The following POU2F1 variants were observed in gnomAD, a reference collection of about 807,000 sequenced individuals.
The protein encoded by POU2F1 is POU domain, class 2, transcription factor 1.
POU2F1 carries 16 observed loss-of-function variants against 84.9 expected under a neutral mutation model. That is an observed-to-expected ratio of 0.19 (90% confidence interval 0.13 to 0.29). The LOEUF (loss-of-function observed/expected upper bound fraction) is 0.29, where lower values mean the gene tolerates loss of function less well. POU2F1 is among the 10% of genes least tolerant of loss of function. The pLI, the probability that POU2F1 is intolerant of heterozygous loss-of-function variation, is 1.00. For synonymous variants in POU2F1, 368 were observed against 368.3 expected (o/e 1.00, Z 0.01); for missense variants, 738 against 942.6 (o/e 0.78, Z 2.84).
intron 1 of POU2F1, among the ~76,000 whole-genome samples, chr1:167,237,766 A>AAATTTTTTTTTTT (rs1557836583): frequency 1.7e-5 from 1 of 58,034 alleles, no homozygotes; most frequent in Non-Finnish European, 3.3e-5. Flanking sequence ...ATATATATAT[A>AAATTTTTTTTTTT]TATATATTTT....
chr1:167,391,905 T>C (rs866150919), intron 9 of POU2F1, among the ~76,000 whole-genome samples: 10 of 152,112 alleles, frequency 6.6e-5, no homozygotes, highest in Admixed American at 6.5e-5. Context: ...AAGAAATCAA[T>C]TGTGTTGGGG....
intron 8 of POU2F1, among the ~76,000 whole-genome samples, chr1:167,388,918 T>G (rs1027420686): frequency 6.6e-6 from 1 of 152,264 alleles, no homozygotes; most frequent in Non-Finnish European, 1.5e-5. Context: ...ATTTTTAATT[T>G]TTATTAATTT....
intron 1 of POU2F1, among the ~76,000 whole-genome samples, chr1:167,325,555 C>G (rs1656641110): frequency 6.6e-6 from 1 of 152,036 alleles, no homozygotes; most frequent in Non-Finnish European, 1.5e-5. Context: ...TCTAATGATA[C>G]CTACACTGGC....
intron 2 of POU2F1, among the ~76,000 whole-genome samples, chr1:167,338,764 T>G (rs1032016351): frequency 1.3e-5 from 2 of 152,230 alleles, no homozygotes; most frequent in Non-Finnish European, 2.9e-5. Context: ...TTATTTTTTA[T>G]AAGATATTCC....
intron 2 of POU2F1, among the ~76,000 whole-genome samples, chr1:167,357,750 C>A (rs1014320973): frequency 4.0e-5 from 6 of 148,776 alleles, no homozygotes; most frequent in Non-Finnish European, 8.9e-5. Context: ...TTTGAGATTT[C>A]TATATGATTC....
At chr1:167,350,717 G>A (rs1017844388) in intron 2 of POU2F1, among the ~76,000 whole-genome samples, 1 of 150,948 alleles carries the variant, frequency 6.6e-6, no homozygotes, top group African/African-American at 2.4e-5. Flanking sequence ...ATCTGTGTTA[G>A]GCTGGGCACG....
At position 167,332,355 on chromosome 1, in the gene POU2F1, T is replaced by TA. The variant is rs1571315992; in HGVS notation, c.62-112dup. On this transcript the variant is annotated intron_variant, in intron 1 of 15. Transcript: ENST00000367866. ...CAGACATGTATACACTGGGTCTTCT[T>TA]AAACTATATGACTATAACATTAGTT... 4 of 689,778 alleles carry TA rather than the reference T, an allele frequency of 5.8e-6. No homozygotes were observed. In the East Asian group the frequency reaches 1.1e-4, roughly 19 times the overall value. 42.7% of individuals were successfully genotyped at this position (689,778 alleles called of 1,614,324 possible). A position where few individuals can be genotyped will look rare whatever the true frequency, so the allele number is the denominator to read the frequency against.
chr1:167,222,552 A>C (rs1456118820), intron 1 of POU2F1, among the ~76,000 whole-genome samples: 1 of 151,188 alleles, frequency 6.6e-6, no homozygotes, highest in African/African-American at 2.4e-5. Flanking sequence ...GAGAGGGGGG[A>C]AGCTGGGCCT....
intron 1 of POU2F1, among the ~76,000 whole-genome samples, chr1:167,285,420 G>C (rs954384311): frequency 6.6e-6 from 1 of 152,124 alleles, no homozygotes; most frequent in African/African-American, 2.4e-5. Flanking sequence ...GTGAAACCCA[G>C]TCTCTACTGA....
chr1:167,418,918 A>T lies in POU2F1; in HGVS notation c.*3108A>T, dbSNP rs969336872. On this transcript the variant is annotated 3_prime_UTR_variant, in exon 16 of 16. Coordinates refer to ENST00000367866, the MANE Select transcript of POU2F1 (RefSeq NM_002697.4). ...AAGATAAATCTTTAGATAAAAATAA[A>T]TTTTTTTCTCTTTTTTTACTTATTT... is the stretch of plus-strand genomic sequence containing the variant. 4 of 151,982 alleles carry T rather than the reference A, an allele frequency of 2.6e-5. No individual in the cohort carries two copies. Among genetic ancestry groups the T allele is most frequent in the East Asian group, 1.9e-4 (1 of 5,192 alleles). 9.4% of individuals were successfully genotyped at this position (151,982 alleles called of 1,614,324 possible). A position where few individuals can be genotyped will look rare whatever the true frequency, so the allele number is the denominator to read the frequency against.
At chr1:167,318,352 G>T (rs1475000357) in intron 1 of POU2F1, among the ~76,000 whole-genome samples, 1 of 152,176 alleles carries the variant, frequency 6.6e-6, no homozygotes, top group Non-Finnish European at 1.5e-5. Flanking sequence ...GTTTTGTTTA[G>T]AGGAGCTGAA....
rs762274285 is a variant in POU2F1, at chr1:167,234,308, T to G, written c.61+13350T>G. On this transcript the variant is annotated intron_variant, in intron 1 of 15. Coordinates refer to ENST00000367866, the MANE Select transcript of POU2F1 (RefSeq NM_002697.4). ...CATTTTGGAGACACAGACAATTGAT[T>G]ATCAGATCTAATGTTAACTTAGCTT... Among the ~76,000 whole-genome samples the G allele has an allele frequency of 2.0e-5, 3 of 152,350 alleles. No homozygotes were observed. The East Asian group carries it at 5.8e-4, about 29-fold the overall frequency.
chr1:167,272,039 A>T (rs75551528), intron 1 of POU2F1, among the ~76,000 whole-genome samples: 6 of 152,168 alleles, frequency 3.9e-5, no homozygotes, highest in Non-Finnish European at 8.8e-5. Flanking sequence ...AGCAGAGTTG[A>T]ATAGTTGTGG....
At chr1:167,351,552 G>GA (rs1282543494) in intron 2 of POU2F1, among the ~76,000 whole-genome samples, 1 of 131,480 alleles carries the variant, frequency 7.6e-6, no homozygotes, top group African/African-American at 2.8e-5. Context: ...AAGAAAGAAA[G>GA]AAAAAAAAGA....
chr1:167,354,241 T>TA (rs1658786856), intron 2 of POU2F1, among the ~76,000 whole-genome samples: 1 of 152,244 alleles, frequency 6.6e-6, no homozygotes, highest in African/African-American at 2.4e-5. Flanking sequence ...ACTTTGTACT[T>TA]ATCTCTTGAT....
intron 1 of POU2F1, among the ~76,000 whole-genome samples, chr1:167,265,514 A>G (rs1436854915): frequency 1.3e-5 from 2 of 152,246 alleles, no homozygotes; most frequent in Non-Finnish European, 2.9e-5. Flanking sequence ...TGGCAGCAGC[A>G]TGTGGTGAAG....
chr1:167,299,696 T>TTTTTTTTTTTTG lies in POU2F1; in HGVS notation c.62-32763_62-32762insGTTTTTTTTTTT, dbSNP rs531357329. Among the ~76,000 whole-genome samples the TTTTTTTTTTTTG allele has an allele frequency of 7.0e-3, 713 of 101,980 alleles. 4 individuals are homozygous for TTTTTTTTTTTTG. Among genetic ancestry groups the TTTTTTTTTTTTG allele is most frequent in the South Asian group, 0.016 (66 of 4,126 alleles). 66.9% of individuals were successfully genotyped at this position (101,980 alleles called of 152,430 possible). A position where few individuals can be genotyped will look rare whatever the true frequency, so the allele number is the denominator to read the frequency against. ...ACAGACTCAATTCAGGAGACCAGAG[T>TTTTTTTTTTTTG]TTTTTTTTTTTCATTTTATTTTGCT... is the stretch of plus-strand genomic sequence containing the variant. On this transcript the variant is annotated intron_variant, in intron 1 of 15. Coordinates refer to ENST00000367866, the MANE Select transcript of POU2F1 (RefSeq NM_002697.4).
intron 1 of POU2F1, among the ~76,000 whole-genome samples, chr1:167,295,614 A>G (rs1411576913): frequency 2.6e-5 from 4 of 152,386 alleles, no homozygotes; most frequent in East Asian, 1.9e-4. Flanking sequence ...AGAATTCACC[A>G]CTATATAATC....
In POU2F1 at chr1:167,329,355, AGTGTGTCG is replaced by A. The variant is rs1348682917; in HGVS notation, c.62-3113_62-3106del. The A allele has an allele frequency of 2.0e-6, 3 of 1,533,902 alleles. No individual in the cohort carries two copies. In the East Asian group the frequency reaches 7.4e-5, roughly 38 times the overall value. On this transcript the variant is annotated intron_variant, in intron 1 of 15. Coordinates refer to ENST00000367866, the MANE Select transcript of POU2F1 (RefSeq NM_002697.4). ...CTTAGAAGCTTTAATATGGAAATAG[AGTGTGTCG>A]GGTTGACTATGCATAAATGCTTAAT...
Sources: allele counts gnomAD v4.1 joint callset (sites outside exome capture counted in the v4.1 genomes callset), GRCh38; gene constraint gnomAD v4.1.1; transcripts MANE v1.5; gene names NCBI Gene and HGNC (gene_info 2026-07-23, HGNC 2026-07-21).